TRIM66: variants seen among roughly 807,000 people sequenced by gnomAD.
TRIM66 encodes tripartite motif containing 66, also known as tripartite motif-containing protein 66.
Under a neutral mutation model 148.2 loss-of-function variants are expected in TRIM66, and 99 were observed. The ratio of observed to expected loss-of-function variants is 0.67; its 90% CI spans 0.57 to 0.79. The LOEUF is 0.79. Among genes scored for constraint, TRIM66 ranks in the 30% least tolerant of loss-of-function variants. The probability of loss-of-function intolerance (pLI) is 0.00; values close to 1 mark genes in which losing one functional copy is unlikely to be tolerated. For synonymous variants in TRIM66, 616 were observed against 635.9 expected (o/e 0.97, Z 0.47); for missense variants, 1,666 against 1,697.9 (o/e 0.98, Z 0.33).
chr11:8,643,221 G>C, intron 12 of TRIM66, 95 bp from the exon 13 acceptor site: 1 of 1,028,676 alleles, frequency 9.7e-7, no homozygotes, highest in Non-Finnish European at 1.4e-6. Context: ...AAGGCTCAAA[G>C]TCATGGCCCT....
chr11:8,645,979 TG>T (rs2036812358), intron 11 of TRIM66, 92 bp from the exon 12 acceptor site: 8 of 1,261,336 alleles, frequency 6.3e-6, no homozygotes, highest in Non-Finnish European at 8.8e-6. Context: ...GTGTCACTGA[TG>T]GAATCAGATG....
chr11:8,665,399 G>C (rs981247907), intron 6 of TRIM66, among the ~76,000 whole-genome samples: 2 of 152,216 alleles, frequency 1.3e-5, no homozygotes, highest in African/African-American at 4.8e-5. Flanking sequence ...GCCAGTCCTA[G>C]TACGTGGACA....
intron 12 of TRIM66, among the ~76,000 whole-genome samples, chr11:8,643,608 C>A (rs1413948895): frequency 6.6e-6 from 1 of 152,140 alleles, no homozygotes; most frequent in African/African-American, 2.4e-5. Flanking sequence ...TCCCAAAGTG[C>A]TGGAATTACA....
chr11:8,618,959 C>CG lies in TRIM66; in HGVS notation c.3909dup (p.Glu1304ArgfsTer14), dbSNP rs1264597905. On this transcript the variant is annotated frameshift_variant, in exon 24 of 25. Transcript: ENST00000646038. LOFTEE classifies it high-confidence loss of function. ...AGGCAGCGGCCAGCCTCTGCAACCT[C>CG]GGAGTCAGGCTGATGGGGGAGGAGA... is the stretch of plus-strand genomic sequence containing the variant. 1 of 1,551,298 alleles carries CG rather than the reference C, an allele frequency of 6.4e-7. No individual in the cohort carries two copies. Among genetic ancestry groups the CG allele is most frequent in the Non-Finnish European group, 8.7e-7 (1 of 1,146,952 alleles).
intron 6 of TRIM66, among the ~76,000 whole-genome samples, chr11:8,653,726 C>A (rs2037564591): frequency 6.6e-6 from 1 of 151,692 alleles, no homozygotes; most frequent in Non-Finnish European, 1.5e-5. Flanking sequence ...CTGATACATC[C>A]CAGGAAAATA....
At chr11:8,682,989 T>C (rs2039516024), upstream of TRIM66, 6 of 944,828 alleles carry the variant, frequency 6.4e-6, no homozygotes, top group Middle Eastern at 2.2e-4. Context: ...CGGAGCCGTG[T>C]GTTAGGCCCG....
Position 8,640,254 on chromosome 11 carries a change from C to T in TRIM66, c.2121G>A (p.Gln707=). The change falls in exon 14 of 25, where the codon CAG becomes CAA. Residue 707 remains glutamine (Q), a synonymous_variant. Coordinates refer to ENST00000646038, the MANE Select transcript of TRIM66 (RefSeq NM_001388022.1). ...GCAGGGTCTCCTCCTGGCTCTGGGA[C>T]TGGACAGGTGCTGGCTGCCTCACGA... ...NYIVRQPAPV[Q]SQSQEETLQA... The T allele has an allele frequency of 6.4e-7, 1 of 1,551,668 alleles. No individual in the cohort carries two copies. The highest frequency in any genetic ancestry group is 8.7e-7 in the Non-Finnish European group (1 of 1,146,984).
chr11:8,613,503 G>A lies in TRIM66; in HGVS notation c.*4441C>T, dbSNP rs971793004. On this transcript the variant is annotated 3_prime_UTR_variant, in exon 25 of 25. Coordinates refer to ENST00000646038, the MANE Select transcript of TRIM66 (RefSeq NM_001388022.1). ...AGCTGAGGAAGAATCAGTTTAAAAA[G>A]GATCTTTTTAAAAGTAACTTGGTTA... is the stretch of plus-strand genomic sequence containing the variant. The A allele has an allele frequency of 2.1e-4, 32 of 152,126 alleles. No individual in the cohort carries two copies. The highest frequency in any genetic ancestry group is 7.7e-4 in the African/African-American group (32 of 41,412). 9.4% of individuals were successfully genotyped at this position (152,126 alleles called of 1,614,324 possible). A position where few individuals can be genotyped will look rare whatever the true frequency, so the allele number is the denominator to read the frequency against.
intron 6 of TRIM66, among the ~76,000 whole-genome samples, chr11:8,656,994 C>G (rs180868887): frequency 6.6e-6 from 1 of 152,318 alleles, no homozygotes; most frequent in East Asian, 1.9e-4. Context: ...AGAGTGCAGC[C>G]TGAGGTTTGG....
Position 8,647,837 on chromosome 11 carries a change from C to T in TRIM66, c.842+133G>A. ...CCTCAAAGGCCAAGACATATGCCTT[C>T]TAGGACATATGCCCACATCTGCTTA... On this transcript the variant is annotated intron_variant, in intron 10 of 24. Transcript: ENST00000646038. 4 of 730,376 alleles carry T rather than the reference C, an allele frequency of 5.5e-6. No individual in the cohort carries two copies. The South Asian group carries it at 6.8e-5, about 12-fold the overall frequency. The allele number at this position is 730,376 out of a possible 1,614,324, so 45.2% of individuals were successfully genotyped here. A position where few individuals can be genotyped will look rare whatever the true frequency, so the allele number is the denominator to read the frequency against.
At chr11:8,646,004 G>GCTGTCCTCTC in intron 11 of TRIM66, 117 bp from the exon 12 acceptor site, 1 of 1,002,718 alleles carries the variant, frequency 1.0e-6, no homozygotes, top group Non-Finnish European at 1.5e-6. Context: ...CTACACCCCT[G>GCTGTCCTCTC]AGAGGACAGC....
intron 6 of TRIM66, among the ~76,000 whole-genome samples, chr11:8,657,611 G>A (rs536669425): frequency 4.6e-5 from 7 of 152,152 alleles, no homozygotes; most frequent in South Asian, 2.1e-4. Flanking sequence ...ACTAAGCAAC[G>A]AGAAAAAACA....
In TRIM66 at chr11:8,640,949, A is replaced by C. The variant is rs2036334217; in HGVS notation, c.1426T>G (p.Ser476Ala). 8.4e-6 allele frequency: 13 copies of C among 1,551,124 alleles called. No homozygotes were observed. The highest frequency in any genetic ancestry group is 1.1e-5 in the Non-Finnish European group (13 of 1,146,942). ...CCSHCSPVSP[S>A]LKGQVPPPSI... is the part of the protein sequence containing the mutation. Reference sequence around the variant, plus strand: ...GGTGGGGGGACCTGGCCTTTGAGGGAAGGCGAGACTGGGGAGCAGTGGGAG... The same window carrying C: ...GGTGGGGGGACCTGGCCTTTGAGGGCAGGCGAGACTGGGGAGCAGTGGGAG... Residue 476 changes from serine (S) to alanine (A), a missense_variant, in exon 14 of 25, where the codon TCC (serine) becomes GCC (alanine). Ser to Ala is a moderately conservative substitution (Grantham distance 99). Around this residue, in one of 3 missense-constraint regions of TRIM66, gnomAD observed 1,431 missense variants for 1,412.4 expected, o/e 1.01. Transcript: ENST00000646038.
At chr11:8,673,972 G>A (rs2039063648) in intron 4 of TRIM66, among the ~76,000 whole-genome samples, 1 of 152,200 alleles carries the variant, frequency 6.6e-6, no homozygotes, top group Non-Finnish European at 1.5e-5. Flanking sequence ...CCAGAAAGAT[G>A]CCACTACATA....
rs1180113666 is a variant in TRIM66, at chr11:8,621,176, C to T, written c.3401G>A (p.Gly1134Glu). 1 of 1,551,724 alleles carries T rather than the reference C, an allele frequency of 6.4e-7. No homozygotes were observed. Among genetic ancestry groups the T allele is most frequent in the East Asian group, 2.4e-5 (1 of 40,916 alleles). The stretch of plus-strand genomic sequence containing the variant: ...TGGGGCTGGGGGGCCCTTCTTGGCT[C>T]CTGGGGTTCGAGGAATGAGTCTGTG... Reference protein sequence around the residue: ...EEHRLIPRTPGAKKGPPAPIE... With the variant: ...EEHRLIPRTPEAKKGPPAPIE... The change falls in exon 20 of 25, where the codon GGA (glycine) becomes GAA (glutamate). Residue 1134 changes from glycine (G) to glutamate (E), a missense_variant. Gly to Glu is a moderately conservative substitution (Grantham distance 98). Coordinates refer to ENST00000646038, the MANE Select transcript of TRIM66 (RefSeq NM_001388022.1).
At chr11:8,639,813 A>T (rs1217871456) in intron 14 of TRIM66, among the ~76,000 whole-genome samples, 1 of 152,192 alleles carries the variant, frequency 6.6e-6, no homozygotes, top group Non-Finnish European at 1.5e-5. Flanking sequence ...TCTGCTCCTT[A>T]AGCTCTGCCC....
Position 8,640,220 on chromosome 11 carries a change from C to T in TRIM66, c.2148+7G>A, listed in dbSNP as rs1012642846. The T allele has an allele frequency of 4.5e-6, 7 of 1,549,618 alleles. No individual in the cohort carries two copies. The highest frequency in any genetic ancestry group is 2.4e-5 in the East Asian group (1 of 40,866). The stretch of plus-strand genomic sequence containing the variant: ...GAATATGCACGCCAAGCCACCCTGA[C>T]GCTTACCTGCAGGGTCTCCTCCTGG... On this transcript the variant is annotated splice_region_variant and intron_variant, in intron 14 of 24. Transcript: ENST00000646038.
Position 8,619,443 on chromosome 11 carries a change from G to A in TRIM66, c.3840C>T (p.Thr1280=), listed in dbSNP as rs1174638807. 6.4e-7 allele frequency: 1 copy of A among 1,551,040 alleles called. No individual in the cohort carries two copies. ...LQKKDPAHYT[T]PEEVVSDVRL... The stretch of plus-strand genomic sequence containing the variant: ...GCACATCTGATACCACCTCCTCTGG[G>A]GTGGTATAGTGAGCTGGGTCCTTCT... Residue 1280 remains threonine (T), a synonymous_variant, in exon 23 of 25, where the codon ACC becomes ACT. Coordinates refer to ENST00000646038, the MANE Select transcript of TRIM66 (RefSeq NM_001388022.1).
At chr11:8,644,204 C>A in intron 12 of TRIM66, 3 of 325,838 alleles carry the variant, frequency 9.2e-6, no homozygotes, top group Non-Finnish European at 1.8e-5. Context: ...TCACTAGTGT[C>A]CTAATTCCCT....
Sources: gnomAD v4.1 joint callset for allele counts (sites outside exome capture counted in the v4.1 genomes callset) on GRCh38, gnomAD v4.1.1 for gene constraint, gnomAD v4.1.1 regional missense constraint, MANE v1.5 for transcripts, NCBI Gene and HGNC (gene_info 2026-07-23, HGNC 2026-07-21) for gene names.